The following FRMD3 variants were observed in gnomAD, a reference collection of about 807,000 sequenced individuals.
FRMD3 encodes FERM domain-containing protein 3.
In FRMD3, 33 loss-of-function variants were observed where a neutral mutation model predicts 70.2. The ratio of observed to expected loss-of-function variants is 0.47; its 90% CI spans 0.36 to 0.63. The LOEUF (loss-of-function observed/expected upper bound fraction) is 0.63, where lower values mean the gene tolerates loss of function less well. Ranked by LOEUF, FRMD3 falls within the 20% of genes least tolerant of loss-of-function variation. FRMD3 has a pLI of 0.00. For synonymous variants in FRMD3, 279 were observed against 255.9 expected, an observed-to-expected ratio of 1.09 and a Z score of -0.86; for missense variants, 632 against 711.4, an observed-to-expected ratio of 0.89 and a Z score of 1.27.
chr9:83,537,388 TCA>T lies in FRMD3; in HGVS notation c.147+695_147+696del, dbSNP rs1829919191. On this transcript the variant is annotated intron_variant, in intron 1 of 13. Transcript: ENST00000304195. This position sits in a 1 kb window ranked among gnomAD's most constrained non-coding sequence, Gnocchi z 4.1. ...CTGCAGGGCTCCCCACTTGCTGGCC[TCA>T]CAATCCCTTTTCCTTTCTCCGAAAC... 6.6e-6 allele frequency among the ~76,000 whole-genome samples: 1 copy of T among 152,166 alleles called. No homozygotes were observed. The highest frequency in any genetic ancestry group is 2.1e-4 in the South Asian group (1 of 4,830).
intron 1 of FRMD3, among the ~76,000 whole-genome samples, chr9:83,421,010 G>A (rs199608742): frequency 4.3e-5 from 6 of 138,308 alleles, no homozygotes; most frequent in South Asian, 2.3e-4. Context: ...GCGCGATCTC[G>A]GCTCACTGCA....
intron 6 of FRMD3, among the ~76,000 whole-genome samples, chr9:83,332,396 CT>C (rs1312659595): frequency 6.6e-6 from 1 of 152,054 alleles, no homozygotes; most frequent in Non-Finnish European, 1.5e-5. Context: ...CTCTCTCTCT[CT>C]CCCCCCACCA....
At chr9:83,356,921 C>CCGTCATAT (rs1824364257) in intron 3 of FRMD3, among the ~76,000 whole-genome samples, 1 of 151,582 alleles carries the variant, frequency 6.6e-6, no homozygotes, top group South Asian at 2.1e-4. Context: ...TCCCCAAAGT[C>CCGTCATAT]CGTCATATCA....
intron 13 of FRMD3, among the ~76,000 whole-genome samples, chr9:83,251,464 C>T (rs1832425601): frequency 6.6e-6 from 1 of 152,154 alleles, no homozygotes; most frequent in African/African-American, 2.4e-5. Flanking sequence ...TCTTCTCATC[C>T]AAATGACCAC....
chr9:83,382,222 T>C (rs941996351), intron 2 of FRMD3, among the ~76,000 whole-genome samples: 28 of 152,296 alleles, frequency 1.8e-4, no homozygotes, highest in African/African-American at 6.5e-4. Context: ...GCCACCAAAT[T>C]GTTCTAAAGT....
chr9:83,349,257 C>T (rs1824064406), intron 4 of FRMD3, among the ~76,000 whole-genome samples: 1 of 152,076 alleles, frequency 6.6e-6, no homozygotes, highest in African/African-American at 2.4e-5. Context: ...GTCGGTCATT[C>T]AGCAAGCGGA....
chr9:83,363,159 C>G (rs559945774), intron 3 of FRMD3, among the ~76,000 whole-genome samples: 3 of 152,114 alleles, frequency 2.0e-5, no homozygotes, highest in Non-Finnish European at 4.4e-5. Context: ...AATGCGAAAG[C>G]CTCATGTCCC....
chr9:83,522,633 G>A (rs1371669393), intron 1 of FRMD3, among the ~76,000 whole-genome samples: 2 of 147,692 alleles, frequency 1.4e-5, no homozygotes, highest in African/African-American at 2.5e-5. Context: ...TAGCGATCTC[G>A]GCTCACTGCA....
At chr9:83,488,531 T>C (rs1408396910) in intron 1 of FRMD3, among the ~76,000 whole-genome samples, 1 of 152,182 alleles carries the variant, frequency 6.6e-6, no homozygotes, top group African/African-American at 2.4e-5. Context: ...ACAGAATGCC[T>C]ACAATATAGA....
At chr9:83,296,994 T>C (rs770640113) in intron 12 of FRMD3, among the ~76,000 whole-genome samples, 14 of 151,984 alleles carry the variant, frequency 9.2e-5, no homozygotes, top group Non-Finnish European at 2.1e-4. Flanking sequence ...GTGATCCCTG[T>C]GCAAGTTACA....
intron 3 of FRMD3, among the ~76,000 whole-genome samples, chr9:83,360,776 T>A (rs1217466928): frequency 6.6e-6 from 1 of 152,198 alleles, no homozygotes; most frequent in Non-Finnish European, 1.5e-5. Context: ...AAGTTAAAAA[T>A]TAGAAATCTA....
chr9:83,243,522 C>G (rs1006305394), downstream of FRMD3, among the ~76,000 whole-genome samples: 2 of 152,184 alleles, frequency 1.3e-5, no homozygotes, highest in African/African-American at 4.8e-5. Context: ...GTTCAATGAA[C>G]TGCTCAGTGA....
downstream of FRMD3, among the ~76,000 whole-genome samples, chr9:83,244,449 C>T (rs1563966855): frequency 6.6e-6 from 1 of 151,606 alleles, no homozygotes; most frequent in African/African-American, 2.4e-5. Flanking sequence ...TGCTTTGGGC[C>T]TGGATGACTT....
At chr9:83,368,656 A>G (rs1294915425) in intron 3 of FRMD3, among the ~76,000 whole-genome samples, 1 of 152,190 alleles carries the variant, frequency 6.6e-6, no homozygotes, top group East Asian at 1.9e-4. Context: ...AATAAATTTA[A>G]TTATCCCTAT....
chr9:83,536,082 G>C (rs1587539081), intron 1 of FRMD3, among the ~76,000 whole-genome samples: 1 of 152,194 alleles, frequency 6.6e-6, no homozygotes, highest in East Asian at 1.9e-4. Flanking sequence ...ATTTTAATTG[G>C]TTAAATAATA....
chr9:83,266,280 A>G (rs1833252879), intron 13 of FRMD3, among the ~76,000 whole-genome samples: 3 of 152,330 alleles, frequency 2.0e-5, no homozygotes, highest in East Asian at 1.9e-4. Context: ...TACAAATATA[A>G]TCAATTTCGT....
intron 1 of FRMD3, among the ~76,000 whole-genome samples, chr9:83,418,059 G>T (rs1014123324): frequency 1.3e-5 from 2 of 151,378 alleles, no homozygotes; most frequent in Non-Finnish European, 2.9e-5. Context: ...GAGCTTGCCA[G>T]GGAAAGGAAG....
At chr9:83,462,908 T>C (rs964045815) in intron 1 of FRMD3, among the ~76,000 whole-genome samples, 1 of 152,216 alleles carries the variant, frequency 6.6e-6, no homozygotes, top group Admixed American at 6.5e-5. Flanking sequence ...TTTATGGCCA[T>C]AAAATTGACT....
At chr9:83,361,752 C>G (rs1824591970) in intron 3 of FRMD3, among the ~76,000 whole-genome samples, 4 of 152,070 alleles carry the variant, frequency 2.6e-5, no homozygotes, top group Admixed American at 2.6e-4. Context: ...TGACTGATAT[C>G]TTTATAAGAG....
Sources: gnomAD v4.1 joint callset for allele counts (sites outside exome capture counted in the v4.1 genomes callset) on GRCh38, gnomAD v4.1.1 for gene constraint, Gnocchi (gnomAD v3.1) non-coding constraint, MANE v1.5 for transcripts, NCBI Gene and HGNC (gene_info 2026-07-23, HGNC 2026-07-21) for gene names.